PID1: variants seen among roughly 807,000 people sequenced by gnomAD.
The protein encoded by PID1 is phosphotyrosine interaction domain containing 1.
A neutral mutation model predicts 19.1 loss-of-function variants in PID1; 10 were observed. The ratio of observed to expected loss-of-function variants is 0.52; its 90% confidence interval spans 0.32 to 0.89. The LOEUF is 0.89. Among genes scored for constraint, PID1 ranks in the 40% least tolerant of loss-of-function variants. The pLI is 0.03. For synonymous variants in PID1, 130 were observed against 116.0 expected (o/e 1.12, Z -0.78); for missense variants, 248 against 285.3 (o/e 0.87, Z 0.94).
intron 2 of PID1, among the ~76,000 whole-genome samples, chr2:229,039,380 A>T (rs1693723270): frequency 6.6e-6 from 1 of 152,198 alleles, no homozygotes; most frequent in South Asian, 2.1e-4. Flanking sequence ...ATTATTAAAG[A>T]AGAGCTTGTT....
chr2:229,116,042 T>C (rs569506311), intron 2 of PID1, among the ~76,000 whole-genome samples: 2 of 151,998 alleles, frequency 1.3e-5, no homozygotes, highest in South Asian at 4.2e-4. Context: ...GCTAACACGG[T>C]AAAACCCCGT....
chr2:229,101,151 A>G (rs564288537), intron 2 of PID1, among the ~76,000 whole-genome samples: 27 of 152,332 alleles, frequency 1.8e-4, no homozygotes, highest in African/African-American at 6.5e-4. Context: ...TGAGGGGAGA[A>G]AGCATCAATA....
At chr2:229,129,999 C>A (rs1354284474) in intron 2 of PID1, among the ~76,000 whole-genome samples, 1 of 152,154 alleles carries the variant, frequency 6.6e-6, no homozygotes, top group Non-Finnish European at 1.5e-5. Flanking sequence ...AACGGTCACA[C>A]CAAGAAAGAA....
intron 2 of PID1, among the ~76,000 whole-genome samples, chr2:229,052,557 T>C (rs2106185098): frequency 6.6e-6 from 1 of 152,260 alleles, no homozygotes; most frequent in African/African-American, 2.4e-5. Context: ...GCTTTTTTTT[T>C]TCAACAAATG....
chr2:229,048,411 T>C (rs996476588), intron 2 of PID1, among the ~76,000 whole-genome samples: 4 of 152,178 alleles, frequency 2.6e-5, no homozygotes, highest in Non-Finnish European at 4.4e-5. Flanking sequence ...GTCTCTCGAT[T>C]GCAAAGGGGA....
At chr2:229,067,236 C>T (rs1006641024) in intron 2 of PID1, among the ~76,000 whole-genome samples, 2 of 152,174 alleles carry the variant, frequency 1.3e-5, no homozygotes, top group Non-Finnish European at 2.9e-5. Flanking sequence ...AAATTATCTC[C>T]ACCTGGTCTT....
intron 1 of PID1, among the ~76,000 whole-genome samples, chr2:229,212,917 T>C (rs1691769438): frequency 6.6e-6 from 1 of 151,910 alleles, no homozygotes; most frequent in Non-Finnish European, 1.5e-5. Context: ...TCTCACCCCA[T>C]CCCCATCCCG....
intron 1 of PID1, among the ~76,000 whole-genome samples, chr2:229,191,378 T>C (rs1691257291): frequency 6.6e-6 from 1 of 152,082 alleles, no homozygotes; most frequent in African/African-American, 2.4e-5. Context: ...CAACACCCTC[T>C]CTCAAGAGAA....
At chr2:229,186,126 A>G (rs1234156773) in intron 1 of PID1, among the ~76,000 whole-genome samples, 1 of 152,162 alleles carries the variant, frequency 6.6e-6, no homozygotes, top group African/African-American at 2.4e-5. Flanking sequence ...TAAAGCTCCA[A>G]AATGACCTCC....
chr2:229,100,750 T>C (rs1695058163), intron 2 of PID1, among the ~76,000 whole-genome samples: 1 of 152,152 alleles, frequency 6.6e-6, no homozygotes, highest in African/African-American at 2.4e-5. Context: ...GCTTTGGTGA[T>C]GGAGATGTAT....
At chr2:229,179,744 T>C (rs1362272350) in intron 1 of PID1, among the ~76,000 whole-genome samples, 3 of 152,204 alleles carry the variant, frequency 2.0e-5, no homozygotes, top group Non-Finnish European at 4.4e-5. Context: ...CCAGATTTTA[T>C]CTAGCTGTTT....
intron 1 of PID1, chr2:229,232,033 G>A: frequency 1.3e-6 from 2 of 1,547,806 alleles, no homozygotes; most frequent in Non-Finnish European, 1.7e-6. Context: ...CACAGTGGAA[G>A]GCTAAGGGGC....
intron 1 of PID1, among the ~76,000 whole-genome samples, chr2:229,207,145 A>G (rs576865345): frequency 6.6e-6 from 1 of 152,186 alleles, no homozygotes; most frequent in Non-Finnish European, 1.5e-5. Context: ...ATCAATAAGG[A>G]TAAAATTTGA....
Position 229,271,082 on chromosome 2 carries a change from G to A in PID1, c.-39C>T. 6.5e-7 allele frequency: 1 copy of A among 1,538,392 alleles called. No homozygotes were observed. ...GTTTTGGCAGAGGAGACGCTGGCGA[G>A]ACTGTCGATCGCGCCGGGGGGCGAG... is the stretch of plus-strand genomic sequence containing the variant. On this transcript the variant is annotated 5_prime_UTR_variant, in exon 1 of 3. Transcript: ENST00000392055.
At chr2:229,038,670 T>C (rs1693709984) in intron 2 of PID1, among the ~76,000 whole-genome samples, 1 of 152,182 alleles carries the variant, frequency 6.6e-6, no homozygotes. Context: ...CAGAAAATAA[T>C]TTTTGAAAAT....
In PID1 at chr2:229,257,629, G is replaced by A. The variant is rs75142735; in HGVS notation, c.30+13385C>T. 7.1e-3 allele frequency among the ~76,000 whole-genome samples: 1,076 copies of A among 152,212 alleles called. 8 individuals are homozygous for A. Among genetic ancestry groups the A allele is most frequent in the African/African-American group, 0.025 (1,022 of 41,518 alleles). On this transcript the variant is annotated intron_variant, in intron 1 of 2. Coordinates refer to ENST00000392055, the MANE Select transcript of PID1 (RefSeq NM_001100818.2). Reference sequence around the variant, plus strand: ...CCCAGACTGGACAATATGCCACATCGTTTCCTTACCTATTTATTGAACAAA... The same window carrying A: ...CCCAGACTGGACAATATGCCACATCATTTCCTTACCTATTTATTGAACAAA...
At chr2:229,176,207 T>C (rs991058040) in intron 1 of PID1, among the ~76,000 whole-genome samples, 2 of 151,560 alleles carry the variant, frequency 1.3e-5, no homozygotes, top group Non-Finnish European at 2.9e-5. Flanking sequence ...CAAATTGAAT[T>C]ATAAACAAGA....
chr2:229,075,114 T>C (rs1449727138), intron 2 of PID1, among the ~76,000 whole-genome samples: 1 of 152,248 alleles, frequency 6.6e-6, no homozygotes, highest in African/African-American at 2.4e-5. Context: ...AGTTTACAGT[T>C]GGGCAAAAGA....
intron 2 of PID1, among the ~76,000 whole-genome samples, chr2:229,124,790 G>A (rs1044307936): frequency 1.3e-5 from 2 of 152,118 alleles, no homozygotes; most frequent in Non-Finnish European, 2.9e-5. Context: ...GTTTGTAACA[G>A]AGTCTGGGTG....
Sources: gnomAD v4.1 joint callset for allele counts (sites outside exome capture counted in the v4.1 genomes callset) on GRCh38, gnomAD v4.1.1 for gene constraint, MANE v1.5 for transcripts, NCBI Gene and HGNC (gene_info 2026-07-23, HGNC 2026-07-21) for gene names.